SEMA3D: variants seen among roughly 807,000 people sequenced by gnomAD.
SEMA3D encodes the protein semaphorin 3D.
SEMA3D carries 84 observed loss-of-function variants against 100.1 expected under a neutral mutation model. The observed-to-expected ratio is 0.84, with a 90% confidence interval of 0.70 to 1.01. The LOEUF (loss-of-function observed/expected upper bound fraction) is 1.01. SEMA3D is among the 50% of genes least tolerant of loss of function. SEMA3D has a pLI of 0.00. For missense variants in SEMA3D, 875 were observed against 934.1 expected, an observed-to-expected ratio of 0.94 and a Z score of 0.82; for synonymous variants, 312 against 320.7, an observed-to-expected ratio of 0.97 and a Z score of 0.29.
At chr7:85,208,132 TATTA>T in the SEMA3D span, among the ~76,000 whole-genome samples, 26,198 of 151,946 alleles carry the variant, frequency 0.17, 2,599 homozygotes, top group Non-Finnish European at 0.23. Context: ...ATCATATACA[TATTA>T]ATTTACATAA....
At chr7:85,211,330 T>C in the SEMA3D span, among the ~76,000 whole-genome samples, 1 of 152,088 alleles carries the variant, frequency 6.6e-6, no homozygotes, top group Non-Finnish European at 1.5e-5. Flanking sequence ...CCACATTGAG[T>C]TCCCAGTTTT....
intron 4 of SEMA3D, among the ~76,000 whole-genome samples, chr7:85,081,886 AT>A (rs1479478425): frequency 1.3e-5 from 2 of 152,180 alleles, no homozygotes. Flanking sequence ...TCACATGAGC[AT>A]TTGCCTAAAT....
At chr7:85,232,506 T>C in the SEMA3D span, among the ~76,000 whole-genome samples, 9 of 152,232 alleles carry the variant, frequency 5.9e-5, no homozygotes, top group Non-Finnish European at 1.3e-4. Context: ...CAAGTTGGGA[T>C]AATATCCTCC....
intron 4 of SEMA3D, among the ~76,000 whole-genome samples, chr7:85,083,781 A>C (rs1215872090): frequency 2.4e-4 from 34 of 141,550 alleles, no homozygotes; most frequent in South Asian, 6.8e-4. Flanking sequence ...CGGGAGGCGG[A>C]GCTTGCAGTG....
chr7:85,168,818 G>GACGA (rs1266120369), intron 1 of SEMA3D, among the ~76,000 whole-genome samples: 2 of 64,110 alleles, frequency 3.1e-5, no homozygotes, highest in Non-Finnish European at 6.7e-5. Flanking sequence ...AAGAAAGAAA[G>GACGA]ATGAAAGAAA....
chr7:85,015,362 G>A (rs1790069448), intron 15 of SEMA3D, 146 bp from the exon 16 acceptor site: 1 of 618,698 alleles, frequency 1.6e-6, no homozygotes, highest in South Asian at 2.7e-5. Flanking sequence ...AACATAATGA[G>A]GAGTAAAATA....
In SEMA3D at chr7:85,037,010, ACAGCAGAGC is replaced by A; in HGVS notation, c.1061_1069del (p.Gly354_Ala356del). On this transcript the variant is annotated inframe_deletion, in exon 12 of 19. Transcript: ENST00000284136. Reference sequence around the variant, plus strand: ...GATGTCAGCCATGCTATACACACAAACAGCAGAGCCTTTGAAGATGGAGCTGGAAAAAAA... The same window carrying A: ...GATGTCAGCCATGCTATACACACAAACTTTGAAGATGGAGCTGGAAAAAAA... The A allele has an allele frequency of 6.2e-7, 1 of 1,612,582 alleles. No homozygotes were observed. The highest frequency in any genetic ancestry group is 8.5e-7 in the Non-Finnish European group (1 of 1,179,408).
intron 10 of SEMA3D, chr7:85,041,062 CTTTT>C (rs72214529): frequency 2.6e-4 from 40 of 152,066 alleles, no homozygotes; most frequent in South Asian, 4.7e-4. Context: ...ATTAATTTGC[CTTTT>C]TTTTTTTTTT....
chr7:85,085,324 T>G (rs920424799), intron 4 of SEMA3D, among the ~76,000 whole-genome samples: 1 of 152,346 alleles, frequency 6.6e-6, no homozygotes, highest in Non-Finnish European at 1.5e-5. Flanking sequence ...TTTTATTTTT[T>G]ACTTCAAATC....
chr7:85,187,565 A>G (rs947536572), upstream of SEMA3D, among the ~76,000 whole-genome samples: 3 of 152,144 alleles, frequency 2.0e-5, no homozygotes, highest in African/African-American at 7.2e-5. Context: ...AACGAGTAGA[A>G]TGTAATCCTT....
chr7:85,005,430 A>G (rs913917761), intron 18 of SEMA3D, among the ~76,000 whole-genome samples: 1 of 152,046 alleles, frequency 6.6e-6, no homozygotes, highest in Non-Finnish European at 1.5e-5. Flanking sequence ...AGGAATGATG[A>G]CGAATCTAGT....
intron 4 of SEMA3D, among the ~76,000 whole-genome samples, chr7:85,081,928 T>C (rs1328295158): frequency 1.3e-5 from 2 of 152,174 alleles, no homozygotes; most frequent in Admixed American, 1.3e-4. Context: ...TTTTTCTGTG[T>C]TTACTCAGAG....
At position 85,093,487 on chromosome 7, in the gene SEMA3D, G is replaced by A. The variant is rs2286193; in HGVS notation, c.312+4318C>T. Among the ~76,000 whole-genome samples the A allele has an allele frequency of 7.9e-5, 12 of 152,084 alleles. No homozygotes were observed. The East Asian group carries it at 2.1e-3, about 27-fold the overall frequency. On this transcript the variant is annotated intron_variant, in intron 4 of 18. Coordinates refer to ENST00000284136, the MANE Select transcript of SEMA3D (RefSeq NM_001384900.1). ...GATAATGCCAATCCCAAGAGTGGCCGACAGAGAAAGAACCGGGTCCTCGAT... is the reference window on the plus strand; with the variant it reads ...GATAATGCCAATCCCAAGAGTGGCCAACAGAGAAAGAACCGGGTCCTCGAT...
At chr7:85,049,711 A>G (rs1791107651) in intron 9 of SEMA3D, among the ~76,000 whole-genome samples, 1 of 151,846 alleles carries the variant, frequency 6.6e-6, no homozygotes, top group South Asian at 2.1e-4. Flanking sequence ...TCATCGGCCT[A>G]AAAACACAAA....
chr7:85,179,335 A>C (rs1033115163), intron 1 of SEMA3D, among the ~76,000 whole-genome samples: 3 of 152,162 alleles, frequency 2.0e-5, no homozygotes, highest in African/African-American at 7.2e-5. Flanking sequence ...AGCAGCCAGG[A>C]GTGGGGCTGT....
At chr7:85,228,335 C>T in the SEMA3D span, among the ~76,000 whole-genome samples, 2 of 152,110 alleles carry the variant, frequency 1.3e-5, no homozygotes, top group African/African-American at 4.8e-5. Flanking sequence ...ATTTTCTACA[C>T]TATGCCAATT....
the SEMA3D span, among the ~76,000 whole-genome samples, chr7:85,198,164 C>T: frequency 6.6e-6 from 1 of 152,118 alleles, no homozygotes; most frequent in African/African-American, 2.4e-5. Flanking sequence ...AACAACTTCA[C>T]TCCATTTCTT....
chr7:85,151,181 T>TA (rs964586826), intron 2 of SEMA3D, among the ~76,000 whole-genome samples: 13 of 151,680 alleles, frequency 8.6e-5, no homozygotes, highest in Non-Finnish European at 1.3e-4. Flanking sequence ...TAAAACTATG[T>TA]AAAAAAAATT....
intron 4 of SEMA3D, among the ~76,000 whole-genome samples, chr7:85,094,827 C>T (rs1035788864): frequency 2.6e-5 from 4 of 151,872 alleles, no homozygotes; most frequent in African/African-American, 7.3e-5. Flanking sequence ...ACTTTGGAAT[C>T]GTTAAGCTTC....
Sources: allele counts gnomAD v4.1 joint callset (sites outside exome capture counted in the v4.1 genomes callset), GRCh38; gene constraint gnomAD v4.1.1; transcripts MANE v1.5; gene names NCBI Gene and HGNC (gene_info 2026-07-23, HGNC 2026-07-21).